EHBP1: variants seen among roughly 807,000 people sequenced by gnomAD.
EHBP1 encodes EH domain binding protein 1.
In EHBP1, 55 loss-of-function variants were observed where a neutral mutation model predicts 144.0. That is an observed-to-expected ratio of 0.38 (90% CI 0.31 to 0.48). The LOEUF (loss-of-function observed/expected upper bound fraction) is 0.48. EHBP1 is among the 20% of genes least tolerant of loss of function. The pLI is 0.98. For synonymous variants in EHBP1, 469 were observed against 472.7 expected (o/e 0.99, Z 0.10); for missense variants, 1,200 against 1,364.2 (o/e 0.88, Z 1.90).
At chr2:62,993,729 T>C in intron 17 of EHBP1, 61 bp downstream of exon 17, 1 of 819,122 alleles carries the variant, frequency 1.2e-6, no homozygotes, top group South Asian at 4.7e-5. Flanking sequence ...GATATCTATA[T>C]ATAGTATATA....
At chr2:62,766,622 C>G (rs1168876253) in intron 4 of EHBP1, among the ~76,000 whole-genome samples, 1 of 152,004 alleles carries the variant, frequency 6.6e-6, no homozygotes, top group Non-Finnish European at 1.5e-5. Context: ...GTAATGTGAC[C>G]CCACTACTTT....
intron 2 of EHBP1, among the ~76,000 whole-genome samples, chr2:62,733,100 G>C (rs1419021616): frequency 8.5e-5 from 13 of 152,150 alleles, no homozygotes; most frequent in Non-Finnish European, 2.9e-5. Flanking sequence ...GTTTGATTAT[G>C]ATGCTTGTTC....
chr2:62,837,649 A>G (rs2047394021), intron 7 of EHBP1, among the ~76,000 whole-genome samples: 1 of 147,060 alleles, frequency 6.8e-6, no homozygotes, highest in South Asian at 2.2e-4. Flanking sequence ...AGGAAGATCT[A>G]CCAAGCAAAT....
At chr2:62,769,609 A>G (rs1423763362) in intron 4 of EHBP1, among the ~76,000 whole-genome samples, 2 of 152,158 alleles carry the variant, frequency 1.3e-5, no homozygotes, top group Non-Finnish European at 2.9e-5. Flanking sequence ...ATTCAGTGCT[A>G]TTCCTATCAA....
intron 6 of EHBP1, among the ~76,000 whole-genome samples, chr2:62,827,558 A>G (rs2046429033): frequency 6.6e-6 from 1 of 152,188 alleles, no homozygotes. Flanking sequence ...CTTTCCGAAC[A>G]TCCTAAACTG....
chr2:63,003,055 T>G (rs2059909720), intron 19 of EHBP1, among the ~76,000 whole-genome samples: 1 of 152,088 alleles, frequency 6.6e-6, no homozygotes, highest in South Asian at 2.1e-4. Flanking sequence ...ATATGATTTT[T>G]TAAAAATGTT....
intron 15 of EHBP1, chr2:62,987,993 G>A (rs1328364894): frequency 9.3e-6 from 15 of 1,608,096 alleles, no homozygotes; most frequent in Non-Finnish European, 1.3e-5. Context: ...TGTTGTAGGA[G>A]GTGGAGATGA....
At position 62,990,802 on chromosome 2, in the gene EHBP1, C is replaced by A. The variant is rs1229282942; in HGVS notation, c.2695C>A (p.Gln899Lys). The A allele has an allele frequency of 6.2e-7, 1 of 1,613,740 alleles. No homozygotes were observed. The highest frequency in any genetic ancestry group is 1.7e-5 in the Admixed American group (1 of 59,994). ...GGCAAATTCACCCTCCAGTGCTGCCCAGAAAGCTGTAACTGAGAGCTCAGA... is the reference window on the plus strand; with the variant it reads ...GGCAAATTCACCCTCCAGTGCTGCCAAGAAAGCTGTAACTGAGAGCTCAGA... ...QVANSPSSAA[Q>K]KAVTESSEQD... The change falls in exon 16 of 23, where the codon CAG becomes AAG. Residue 899 changes from glutamine to lysine, a missense_variant. Physicochemically the swap from Gln to Lys is moderately conservative, Grantham distance 53. Coordinates refer to ENST00000431489, the MANE Select transcript of EHBP1 (RefSeq NM_001142616.3).
At chr2:62,765,261 C>A (rs980971784) in intron 4 of EHBP1, among the ~76,000 whole-genome samples, 5 of 151,888 alleles carry the variant, frequency 3.3e-5, no homozygotes, top group African/African-American at 9.7e-5. Flanking sequence ...ACTGACTTGG[C>A]CCTATAAGAT....
chr2:63,023,737 C>T (rs914976847), intron 19 of EHBP1, among the ~76,000 whole-genome samples: 1 of 152,170 alleles, frequency 6.6e-6, no homozygotes, highest in Non-Finnish European at 1.5e-5. Context: ...CACTTCTGAA[C>T]TGGAACCTGA....
At chr2:62,942,649 G>A in intron 10 of EHBP1, 69 bp from the exon 11 acceptor site, 4 of 1,388,786 alleles carry the variant, frequency 2.9e-6, no homozygotes, top group Non-Finnish European at 2.9e-6. Context: ...ATCTGATTAG[G>A]TCAATTAATG....
At chr2:62,888,046 A>G (rs906412585) in intron 10 of EHBP1, among the ~76,000 whole-genome samples, 7 of 152,204 alleles carry the variant, frequency 4.6e-5, no homozygotes, top group Admixed American at 1.3e-4. Context: ...TGTGCACTTC[A>G]TGGCCTGGAC....
intron 5 of EHBP1, among the ~76,000 whole-genome samples, chr2:62,813,528 C>T (rs931954599): frequency 3.9e-5 from 6 of 152,110 alleles, no homozygotes; most frequent in African/African-American, 9.7e-5. Flanking sequence ...ACCTGAGATA[C>T]GCCGAAACTG....
At chr2:62,879,845 GA>G (rs576927939) in intron 10 of EHBP1, among the ~76,000 whole-genome samples, 98 of 146,520 alleles carry the variant, frequency 6.7e-4, no homozygotes, top group South Asian at 2.4e-3. Context: ...CACAAAATTA[GA>G]AAAAAAAAAC....
rs909573156 is a variant in EHBP1 at position 62,803,919 on chromosome 2, G to A, written c.313-22168G>A. Among the ~76,000 whole-genome samples the A allele has an allele frequency of 1.1e-4, 14 of 132,480 alleles. No individual in the cohort carries two copies. The East Asian group carries it at 2.9e-3, about 28-fold the overall frequency. 86.9% of individuals were successfully genotyped at this position (132,480 alleles called of 152,430 possible). On this transcript the variant is annotated intron_variant, in intron 5 of 22. Transcript: ENST00000431489. The stretch of plus-strand genomic sequence containing the variant: ...GTAACCTTAGGCAAGTTTTGTAATC[G>A]TTTTGTGCCCAGTTTTCTATCTTTA...
In EHBP1 at chr2:62,930,388, T is replaced by C. The variant is rs911594244; in HGVS notation, c.1186-12330T>C. Among the ~76,000 whole-genome samples, 4 of 152,068 alleles carry C rather than the reference T, an allele frequency of 2.6e-5. No individual in the cohort carries two copies. The East Asian group carries it at 5.8e-4, about 22-fold the overall frequency. On this transcript the variant is annotated intron_variant, in intron 10 of 22. Coordinates refer to ENST00000431489, the MANE Select transcript of EHBP1 (RefSeq NM_001142616.3). ...TGAAAGAAACTGAAAAAGGCAGAAA[T>C]AAATGGAAAGATATCCCGTGTTCTT...
intron 14 of EHBP1, among the ~76,000 whole-genome samples, chr2:62,977,740 G>A (rs533300376): frequency 3.9e-5 from 6 of 152,054 alleles, no homozygotes; most frequent in Non-Finnish European, 7.4e-5. Context: ...ATGTGAAGGA[G>A]GCATCCCTAC....
intron 8 of EHBP1, 87 bp downstream of exon 8, chr2:62,859,378 T>G: frequency 7.9e-7 from 1 of 1,265,932 alleles, no homozygotes; most frequent in South Asian, 1.7e-5. Context: ...CTTCAGAGAC[T>G]AACACACAAA....
chr2:62,925,403 T>C (rs1425849143), intron 10 of EHBP1, among the ~76,000 whole-genome samples: 1 of 151,764 alleles, frequency 6.6e-6, no homozygotes, highest in Non-Finnish European at 1.5e-5. Context: ...CAAGTCAAAT[T>C]GTCCCTGTTT....
Sources: allele counts gnomAD v4.1 joint callset (sites outside exome capture counted in the v4.1 genomes callset), GRCh38; gene constraint gnomAD v4.1.1; transcripts MANE v1.5; gene names NCBI Gene and HGNC (gene_info 2026-07-23, HGNC 2026-07-21).